The following DIDO1 variants were observed in gnomAD, a reference collection of about 807,000 sequenced individuals.
DIDO1 encodes the protein death-inducer obliterator 1.
Under a neutral mutation model 99.4 loss-of-function variants are expected in DIDO1, and 16 were observed. That is an observed-to-expected ratio of 0.16 (90% CI 0.11 to 0.24). DIDO1 has a LOEUF of 0.24. DIDO1 is among the 10% of genes least tolerant of loss of function. The probability of loss-of-function intolerance (pLI) is 1.00; values close to 1 mark genes in which losing one functional copy is unlikely to be tolerated. For synonymous variants in DIDO1, 1,366 were observed against 1,239.1 expected (o/e 1.10, Z -2.15); for missense variants, 2,996 against 3,014.0 (o/e 0.99, Z 0.14).
In DIDO1 at chr20:62,880,467, T is replaced by C; in HGVS notation, c.5489A>G (p.Tyr1830Cys). 2 of 1,612,830 alleles carry C rather than the reference T, an allele frequency of 1.2e-6. No individual in the cohort carries two copies. The highest frequency in any genetic ancestry group is 1.7e-6 in the Non-Finnish European group (2 of 1,179,982). Residue 1830 changes from tyrosine (Y) to cysteine (C), a missense_variant, in exon 16 of 16, where the codon TAC (tyrosine) becomes TGC (cysteine). Tyr to Cys is a radical substitution (Grantham distance 194). Transcript: ENST00000395343. ...YGDSRGPSPS[Y>C]LGGPRGVAPS... ...TGCCACTCCTCGTGGTCCACCAAGG[T>C]AAGAGGGTGAGGGGCCTCTGCTGTC...
intron 1 of DIDO1, among the ~76,000 whole-genome samples, chr20:62,917,121 G>A (rs751308883): frequency 3.3e-5 from 5 of 152,104 alleles, no homozygotes; most frequent in Non-Finnish European, 5.9e-5. Flanking sequence ...ACCACCGCCA[G>A]GCTCAAAGCG....
rs764209883 is a variant in DIDO1 at position 62,911,061 on chromosome 20, G to T, written c.552C>A (p.Ile184=). The change falls in exon 3 of 16, where the codon ATC becomes ATA. Residue 184 remains isoleucine, a synonymous_variant. Transcript: ENST00000395343. The surrounding 1 kb of genome is among the most constrained non-coding windows in gnomAD (Gnocchi z 7.0). The stretch of plus-strand genomic sequence containing the variant: ...GGCGCTTCTTCCGCAGGCGACTCTG[G>T]ATCCCTTTCAGGGGCCTCTCAGTGG... ...QEPTERPLKG[I]QSRLRKKRRE... is the part of the protein sequence containing the mutation. The T allele has an allele frequency of 1.2e-6, 2 of 1,613,772 alleles. No homozygotes were observed. Among genetic ancestry groups the T allele is most frequent in the Non-Finnish European group, 1.7e-6 (2 of 1,180,026 alleles).
At chr20:62,920,186 C>CCGGGTACCATGTGAGTGGGGTG (rs2065110000) in intron 1 of DIDO1, among the ~76,000 whole-genome samples, 1 of 152,138 alleles carries the variant, frequency 6.6e-6, no homozygotes, top group Non-Finnish European at 1.5e-5. Flanking sequence ...TGTGAGCTCC[C>CCGGGTACCATGTGAGTGGGGTG]CGGGTACCAT....
intron 15 of DIDO1, among the ~76,000 whole-genome samples, chr20:62,884,674 C>G (rs559818891): frequency 3.2e-4 from 49 of 152,334 alleles, no homozygotes; most frequent in African/African-American, 1.2e-3. Context: ...GGCAGGAATA[C>G]CAGGCCTGCC....
intron 15 of DIDO1, chr20:62,889,442 C>T (rs3746765): frequency 0.36 from 354,155 of 985,224 alleles, 66,421 homozygotes; most frequent in African/African-American, 0.65. Context: ...GAAATATCGC[C>T]TCAATTGTTT....
At chr20:62,921,173 G>A (rs1436060422) in intron 1 of DIDO1, among the ~76,000 whole-genome samples, 1 of 152,218 alleles carries the variant, frequency 6.6e-6, no homozygotes, top group African/African-American at 2.4e-5. Context: ...TAGGATTACA[G>A]GCATGAGCCA....
At chr20:62,916,740 CAGAT>C (rs1191877197) in intron 1 of DIDO1, among the ~76,000 whole-genome samples, 5 of 152,152 alleles carry the variant, frequency 3.3e-5, no homozygotes, top group African/African-American at 4.8e-5. Flanking sequence ...TTGCCTCACA[CAGAT>C]AGGTCTTTAG....
chr20:62,914,023 CT>C (rs2064995745), intron 2 of DIDO1, among the ~76,000 whole-genome samples, 186 bp downstream of exon 2: 2 of 152,308 alleles, frequency 1.3e-5, no homozygotes, highest in Admixed American at 1.3e-4. Flanking sequence ...CAATCTGCAG[CT>C]GGTTGAATCC....
Position 62,879,351 on chromosome 20 carries a change from G to A in DIDO1, c.6605C>T (p.Ala2202Val), listed in dbSNP as rs367648782. The change falls in exon 16 of 16, where the codon GCC becomes GTC. Residue 2202 changes from alanine to valine, a missense_variant. Ala to Val is a moderately conservative substitution (Grantham distance 64). Coordinates refer to ENST00000395343, the MANE Select transcript of DIDO1 (RefSeq NM_001193369.2). This position sits in a 1 kb window ranked among gnomAD's most constrained non-coding sequence, Gnocchi z 6.3. ...SRSRERDRDK[A>V]RDRERGRDRK... The stretch of plus-strand genomic sequence containing the variant: ...GTCGCGGCCCCGCTCCCTGTCCCTG[G>A]CCTTGTCTCGGTCCCGCTCTCTGCT... 6.4e-7 allele frequency: 1 copy of A among 1,551,148 alleles called. No homozygotes were observed.
intron 8 of DIDO1, among the ~76,000 whole-genome samples, chr20:62,895,967 T>A (rs970099075): frequency 6.6e-6 from 1 of 152,194 alleles, no homozygotes; most frequent in Non-Finnish European, 1.5e-5. Context: ...ACAGCAATGT[T>A]TACAGGAGAC....
At chr20:62,923,290 C>T (rs954226337) in intron 1 of DIDO1, among the ~76,000 whole-genome samples, 1 of 152,230 alleles carries the variant, frequency 6.6e-6, no homozygotes, top group Non-Finnish European at 1.5e-5. Flanking sequence ...ATTCTCCCAC[C>T]TCGGCCTCCC....
intron 15 of DIDO1, among the ~76,000 whole-genome samples, chr20:62,885,569 T>C (rs1168075075): frequency 1.3e-5 from 2 of 152,160 alleles, no homozygotes; most frequent in Non-Finnish European, 2.9e-5. Flanking sequence ...CTGGCACGTG[T>C]AAATGCTCCC....
chr20:62,896,188 C>T lies in DIDO1; in HGVS notation c.2214+45G>A, dbSNP rs762038588. ...ATTGGTTGATCCCTTTAGCACCCAG[C>T]GAACAGAACAGGAATACTCCAATGC... On this transcript the variant is annotated intron_variant, in intron 8 of 15. Transcript: ENST00000395343. The surrounding 1 kb of genome is among the most constrained non-coding windows in gnomAD (Gnocchi z 4.4). 24 of 1,570,344 alleles carry T rather than the reference C, an allele frequency of 1.5e-5. No individual in the cohort carries two copies. The Middle Eastern group carries it at 5.1e-4, about 33-fold the overall frequency.
chr20:62,913,131 C>T (rs1385550531), intron 2 of DIDO1, among the ~76,000 whole-genome samples: 1 of 152,228 alleles, frequency 6.6e-6, no homozygotes, highest in East Asian at 1.9e-4. Context: ...TTCTCATTTT[C>T]CTGTCCAGCT....
chr20:62,913,543 C>T (rs961531287), intron 2 of DIDO1, among the ~76,000 whole-genome samples: 5 of 152,232 alleles, frequency 3.3e-5, no homozygotes, highest in South Asian at 2.1e-4. Flanking sequence ...ATGGTTTATT[C>T]GTTCTCATTG....
intron 6 of DIDO1, chr20:62,904,906 G>C: frequency 1.2e-6 from 1 of 864,288 alleles, no homozygotes; most frequent in Non-Finnish European, 1.4e-6. Flanking sequence ...CGACGGGAAA[G>C]TGGGGCACTC....
chr20:62,890,736 C>CT, intron 15 of DIDO1: 1 of 1,398,754 alleles, frequency 7.1e-7, no homozygotes, highest in South Asian at 1.5e-5. Context: ...TTTTCCCTCT[C>CT]TAAAAAACTC....
At chr20:62,899,976 T>C (rs554719768) in intron 6 of DIDO1, among the ~76,000 whole-genome samples, 18 of 152,316 alleles carry the variant, frequency 1.2e-4, no homozygotes, top group Non-Finnish European at 2.5e-4. Flanking sequence ...TGCAAGTTCA[T>C]CCAAATTTGC....
At chr20:62,904,780 C>CAAAAAAAAAAAAACAA (rs2064762262) in intron 6 of DIDO1, among the ~76,000 whole-genome samples, 1 of 62,610 alleles carries the variant, frequency 1.6e-5, no homozygotes. Flanking sequence ...ACTCTTGTCT[C>CAAAAAAAAAAAAACAA]AAAAAAAAAA....
Sources: gnomAD v4.1 joint callset for allele counts (sites outside exome capture counted in the v4.1 genomes callset) on GRCh38, gnomAD v4.1.1 for gene constraint, Gnocchi (gnomAD v3.1) non-coding constraint, MANE v1.5 for transcripts, NCBI Gene and HGNC (gene_info 2026-07-23, HGNC 2026-07-21) for gene names.